Variants in IMMP2L observed in about 807,000 individuals in gnomAD.
IMMP2L encodes the protein mitochondrial inner membrane protease subunit 2.
Under a neutral mutation model 19.3 loss-of-function variants are expected in IMMP2L, and 18 were observed. The observed-to-expected ratio is 0.93, with a 90% CI of 0.64 to 1.38. The LOEUF is 1.38. IMMP2L is among the 40% of genes most tolerant of loss of function. IMMP2L has a pLI of 0.00. For missense variants in IMMP2L, 233 were observed against 218.2 expected, an observed-to-expected ratio of 1.07 and a Z score of -0.43; for synonymous variants, 76 against 73.0, an observed-to-expected ratio of 1.04 and a Z score of -0.21.
rs1373339228 is a variant in IMMP2L, at chr7:111,281,091, AGAG to A, written c.239+206144_239+206146del. Reference sequence around the variant, plus strand: ...AGAAAAGAAAGAAAGAAGGAAAGAGAGAGAAAGAGAGAAAGAGAGAAAGAGAGA... The same window carrying A: ...AGAAAAGAAAGAAAGAAGGAAAGAGAAAAGAGAGAAAGAGAGAAAGAGAGA... On this transcript the variant is annotated intron_variant, in intron 3 of 5. Coordinates refer to ENST00000405709, the MANE Select transcript of IMMP2L (RefSeq NM_032549.4). Among the ~76,000 whole-genome samples, 20 of 22,392 alleles carry A rather than the reference AGAG, an allele frequency of 8.9e-4. 2 individuals carry two copies. Among genetic ancestry groups the A allele is most frequent in the Admixed American group, 7.2e-3 (10 of 1,398 alleles). The allele number at this position is 22,392 out of a possible 152,430, so 14.7% of individuals were successfully genotyped here. A position where few individuals can be genotyped will look rare whatever the true frequency, so the allele number is the denominator to read the frequency against.
intron 3 of IMMP2L, among the ~76,000 whole-genome samples, chr7:111,158,136 T>C (rs1168464054): frequency 6.6e-6 from 1 of 151,884 alleles, no homozygotes; most frequent in East Asian, 1.9e-4. Context: ...CTTTATTATA[T>C]TTTTATTATT....
At chr7:111,381,544 A>G (rs1269266594) in intron 3 of IMMP2L, among the ~76,000 whole-genome samples, 1 of 152,134 alleles carries the variant, frequency 6.6e-6, no homozygotes, top group South Asian at 2.1e-4. Context: ...ATACATCTCA[A>G]TTGGACAGTA....
At chr7:110,816,799 T>G (rs2131305679) in intron 5 of IMMP2L, among the ~76,000 whole-genome samples, 1 of 151,944 alleles carries the variant, frequency 6.6e-6, no homozygotes, top group East Asian at 1.9e-4. Context: ...CCCTGCCTTT[T>G]TTTGTTTTCC....
At chr7:111,363,155 T>C (rs576577453) in intron 3 of IMMP2L, among the ~76,000 whole-genome samples, 5 of 152,146 alleles carry the variant, frequency 3.3e-5, no homozygotes, top group Admixed American at 2.6e-4. Flanking sequence ...ATAAGGCACA[T>C]CTTTGCATTT....
chr7:111,358,761 G>A (rs954593030), intron 3 of IMMP2L, among the ~76,000 whole-genome samples: 14 of 152,062 alleles, frequency 9.2e-5, no homozygotes, highest in African/African-American at 3.4e-4. Context: ...ATCTTATGCT[G>A]TTATAGCAAC....
At chr7:110,934,123 T>C (rs946521962) in intron 4 of IMMP2L, among the ~76,000 whole-genome samples, 1 of 152,206 alleles carries the variant, frequency 6.6e-6, no homozygotes, top group Non-Finnish European at 1.5e-5. Flanking sequence ...GAGCAGGTTG[T>C]TCAGTTTCCA....
chr7:111,450,074 T>C (rs985462351), intron 3 of IMMP2L, among the ~76,000 whole-genome samples: 2 of 151,804 alleles, frequency 1.3e-5, no homozygotes. Context: ...TACAAACAAA[T>C]GGAAGAACAT....
chr7:111,235,678 T>A (rs1562955411), intron 3 of IMMP2L, among the ~76,000 whole-genome samples: 3 of 152,062 alleles, frequency 2.0e-5, no homozygotes, highest in Admixed American at 6.6e-5. Flanking sequence ...TGCCTCTGTA[T>A]CATCTTCTTG....
At chr7:111,339,020 T>C (rs1202370666) in intron 3 of IMMP2L, among the ~76,000 whole-genome samples, 1 of 152,132 alleles carries the variant, frequency 6.6e-6, no homozygotes, top group Non-Finnish European at 1.5e-5. Context: ...CAAACGATTC[T>C]TCCTTCAAAC....
chr7:111,426,772 T>C (rs1295457516), intron 3 of IMMP2L, among the ~76,000 whole-genome samples: 1 of 151,362 alleles, frequency 6.6e-6, no homozygotes, highest in East Asian at 1.9e-4. Context: ...ATCTGCAAGA[T>C]GTGGATATCA....
chr7:111,194,179 A>G (rs1213337854), intron 3 of IMMP2L, among the ~76,000 whole-genome samples: 1 of 152,186 alleles, frequency 6.6e-6, no homozygotes, highest in Non-Finnish European at 1.5e-5. Flanking sequence ...GAGCCCCTGA[A>G]GAGCAAGAAC....
At chr7:110,848,392 C>T (rs190544511) in intron 5 of IMMP2L, among the ~76,000 whole-genome samples, 7 of 152,158 alleles carry the variant, frequency 4.6e-5, no homozygotes, top group East Asian at 3.9e-4. Flanking sequence ...GGCCAAAATC[C>T]GAAATGCTGA....
chr7:111,035,002 C>G (rs1791194581), intron 3 of IMMP2L, among the ~76,000 whole-genome samples: 1 of 152,034 alleles, frequency 6.6e-6, no homozygotes, highest in African/African-American at 2.4e-5. Flanking sequence ...CATTACAGAC[C>G]CTGTATGGTT....
intron 3 of IMMP2L, among the ~76,000 whole-genome samples, chr7:111,098,270 C>T (rs1278959613): frequency 2.6e-5 from 4 of 151,784 alleles, no homozygotes; most frequent in Non-Finnish European, 5.9e-5. Flanking sequence ...GTATTTTTTA[C>T]ACAAACACCA....
chr7:110,764,750 T>C (rs1361174363), intron 5 of IMMP2L, among the ~76,000 whole-genome samples: 1 of 152,114 alleles, frequency 6.6e-6, no homozygotes, highest in Admixed American at 6.6e-5. Flanking sequence ...TTTTTGTTAC[T>C]AAATTACTCA....
chr7:110,692,054 C>T (rs1460122764), intron 5 of IMMP2L, among the ~76,000 whole-genome samples: 2 of 152,092 alleles, frequency 1.3e-5, no homozygotes, highest in Non-Finnish European at 2.9e-5. Context: ...ATGGAACCAA[C>T]CTAAATGCTC....
chr7:110,977,718 C>A (rs2129557522), intron 3 of IMMP2L, among the ~76,000 whole-genome samples: 1 of 151,594 alleles, frequency 6.6e-6, no homozygotes. Context: ...TCTCTCTTTT[C>A]CTCTTTCCCT....
intron 3 of IMMP2L, among the ~76,000 whole-genome samples, chr7:110,979,569 G>A (rs376143087): frequency 5.7e-4 from 86 of 152,002 alleles, no homozygotes; most frequent in African/African-American, 2.0e-3. Flanking sequence ...AGTATTATTG[G>A]GTGTGACCAA....
intron 1 of IMMP2L, among the ~76,000 whole-genome samples, chr7:111,536,604 G>A (rs1847909944): frequency 6.6e-6 from 1 of 152,038 alleles, no homozygotes; most frequent in Admixed American, 6.6e-5. Flanking sequence ...ACTGTGCTCC[G>A]CCTAAAATAT....
Sources: gnomAD v4.1 joint callset for allele counts (sites outside exome capture counted in the v4.1 genomes callset) on GRCh38, gnomAD v4.1.1 for gene constraint, MANE v1.5 for transcripts, NCBI Gene and HGNC (gene_info 2026-07-23, HGNC 2026-07-21) for gene names.